Variants in CDKN2AIPNL observed in about 807,000 individuals in gnomAD.
CDKN2AIPNL encodes the protein XRN2 binding domain containing 1.
In CDKN2AIPNL, 9 loss-of-function variants were observed where a neutral mutation model predicts 12.9. The observed-to-expected ratio is 0.70, with a 90% CI of 0.42 to 1.22. The LOEUF (loss-of-function observed/expected upper bound fraction) is 1.22. Among genes scored for constraint, CDKN2AIPNL ranks in the 50% most tolerant of loss-of-function variants. The probability of loss-of-function intolerance (pLI) is 0.00; values close to 1 mark genes in which losing one functional copy is unlikely to be tolerated. For missense variants in CDKN2AIPNL, 143 were observed against 153.6 expected (o/e 0.93, Z 0.37); for synonymous variants, 53 against 61.7 (o/e 0.86, Z 0.66).
chr5:134,402,800 C>CT lies in CDKN2AIPNL; in HGVS notation c.*114dup. On this transcript the variant is annotated 3_prime_UTR_variant, in exon 3 of 3. Transcript: ENST00000458198. ...AGAGTCCTTCTCATTCCACCTGCCT[C>CT]TTTATGTTGGTAATACCAGGAGTCT... 2.3e-6 allele frequency: 2 copies of CT among 870,198 alleles called. No homozygotes were observed. Among genetic ancestry groups the CT allele is most frequent in the South Asian group, 1.7e-5 (1 of 59,362 alleles). 53.9% of individuals were successfully genotyped at this position (870,198 alleles called of 1,614,324 possible).
chr5:134,402,847 T>C lies in CDKN2AIPNL; in HGVS notation c.*68A>G. On this transcript the variant is annotated 3_prime_UTR_variant, in exon 3 of 3. Transcript: ENST00000458198. ...GTCTTAAGAGAGCTGCTGTGGTCTA[T>C]GTCACATTCATCCCAGCCTCCTTTC... The C allele has an allele frequency of 2.1e-6, 3 of 1,425,936 alleles. No homozygotes were observed. The highest frequency in any genetic ancestry group is 2.9e-6 in the Non-Finnish European group (3 of 1,018,278). The allele number at this position is 1,425,936 out of a possible 1,614,324, so 88.3% of individuals were successfully genotyped here. A position where few individuals can be genotyped will look rare whatever the true frequency, so the allele number is the denominator to read the frequency against.
intron 2 of CDKN2AIPNL, among the ~76,000 whole-genome samples, chr5:134,404,885 A>C (rs1446628207): frequency 6.6e-6 from 1 of 152,204 alleles, no homozygotes; most frequent in African/African-American, 2.4e-5. Context: ...TTCCAGGCTC[A>C]AGCGATTCTC....
intron 2 of CDKN2AIPNL, 35 bp from the exon 3 acceptor site, chr5:134,402,961 A>G (rs1759050987): frequency 6.3e-7 from 1 of 1,588,840 alleles, no homozygotes; most frequent in African/African-American, 1.3e-5. Context: ...TTACATAACC[A>G]TGTAGTCCAG....
At chr5:134,409,085 G>A (rs1288291915) in intron 2 of CDKN2AIPNL, among the ~76,000 whole-genome samples, 1 of 152,044 alleles carries the variant, frequency 6.6e-6, no homozygotes, top group South Asian at 2.1e-4. Context: ...TGCTTCAGTC[G>A]ATTTTATAAG....
intron 2 of CDKN2AIPNL, among the ~76,000 whole-genome samples, chr5:134,403,148 TG>T (rs1430199895): frequency 6.6e-6 from 1 of 152,242 alleles, no homozygotes; most frequent in Non-Finnish European, 1.5e-5. Context: ...TCTTGTCACT[TG>T]CAATCTATAA....
rs574431859 is a variant in CDKN2AIPNL at position 134,403,781 on chromosome 5, C to T, written c.340-855G>A. ...CTGTGATTACAGGTACCTGCCACTGCGCCCGGCTAATTTTTGTAGTTTTTA... is the reference window on the plus strand; with the variant it reads ...CTGTGATTACAGGTACCTGCCACTGTGCCCGGCTAATTTTTGTAGTTTTTA... On this transcript the variant is annotated intron_variant, in intron 2 of 2. Coordinates refer to ENST00000458198, the MANE Select transcript of CDKN2AIPNL (RefSeq NM_080656.3). Among the ~76,000 whole-genome samples the T allele has an allele frequency of 1.2e-4, 18 of 152,240 alleles. No individual in the cohort carries two copies. In the East Asian group the frequency reaches 3.1e-3, roughly 26 times the overall value.
rs552885363 is a variant in CDKN2AIPNL at position 134,404,274 on chromosome 5, G to A, written c.340-1348C>T. On this transcript the variant is annotated intron_variant, in intron 2 of 2. Transcript: ENST00000458198. ...TAAAAGACAAGTAGCTCCAATGAGC[G>A]TTTATCTTGAGGTACAACTTAGACC... Among the ~76,000 whole-genome samples, 10 of 152,264 alleles carry A rather than the reference G, an allele frequency of 6.6e-5. No individual in the cohort carries two copies. In the South Asian group the frequency reaches 8.3e-4, roughly 13 times the overall value.
chr5:134,406,906 G>C (rs560571099), intron 2 of CDKN2AIPNL, among the ~76,000 whole-genome samples: 1 of 152,278 alleles, frequency 6.6e-6, no homozygotes, highest in East Asian at 1.9e-4. Flanking sequence ...CACCCTCTAA[G>C]TATCTCACTT....
chr5:134,409,361 A>G (rs1759156753), intron 2 of CDKN2AIPNL, among the ~76,000 whole-genome samples: 1 of 152,186 alleles, frequency 6.6e-6, no homozygotes. Context: ...TTTCTGCCAC[A>G]TTCTGTAGCC....
At chr5:134,410,718 C>G in intron 1 of CDKN2AIPNL, 1 of 379,804 alleles carries the variant, frequency 2.6e-6, no homozygotes, top group Admixed American at 3.7e-5. Flanking sequence ...TGCTTCCCTA[C>G]GTACTGTTCT....
At chr5:134,409,067 T>C (rs1321334902) in intron 2 of CDKN2AIPNL, among the ~76,000 whole-genome samples, 1 of 152,228 alleles carries the variant, frequency 6.6e-6, no homozygotes, top group African/African-American at 2.4e-5. Flanking sequence ...AGCAGCTTTT[T>C]ACTCTACTGC....
At chr5:134,404,579 C>T (rs10071888) in intron 2 of CDKN2AIPNL, among the ~76,000 whole-genome samples, 17,584 of 151,582 alleles carry the variant, frequency 0.12, 1,170 homozygotes, top group Admixed American at 0.17. Flanking sequence ...TCTCCCACCT[C>T]GGCTTCCCAA....
intron 2 of CDKN2AIPNL, among the ~76,000 whole-genome samples, chr5:134,405,931 G>A (rs1334129607): frequency 3.3e-5 from 5 of 152,134 alleles, no homozygotes; most frequent in African/African-American, 9.7e-5. Flanking sequence ...GCTGCTCTTT[G>A]TTAATTATCG....
At chr5:134,407,861 T>C (rs1275571099) in intron 2 of CDKN2AIPNL, among the ~76,000 whole-genome samples, 1 of 151,320 alleles carries the variant, frequency 6.6e-6, no homozygotes, top group African/African-American at 2.4e-5. Context: ...CTCGGCCAGG[T>C]GCAGTGGCTC....
intron 2 of CDKN2AIPNL, among the ~76,000 whole-genome samples, chr5:134,405,129 G>A (rs1348529849): frequency 1.4e-5 from 2 of 146,876 alleles, no homozygotes; most frequent in African/African-American, 2.6e-5. Flanking sequence ...TTTTTGAGAC[G>A]GAGTCCCGCT....
At chr5:134,409,658 T>G (rs1759161493) in intron 2 of CDKN2AIPNL, among the ~76,000 whole-genome samples, 1 of 152,086 alleles carries the variant, frequency 6.6e-6, no homozygotes, top group African/African-American at 2.4e-5. Flanking sequence ...AAAACAATGT[T>G]CCTAAACAAC....
intron 1 of CDKN2AIPNL, 125 bp downstream of exon 1, chr5:134,411,491 A>G (rs1417325516): frequency 1.2e-5 from 9 of 773,752 alleles, no homozygotes; most frequent in Non-Finnish European, 1.9e-5. Context: ...GGGCCGACCA[A>G]TGCGGATGGA....
Position 134,411,809 on chromosome 5 carries a change from C to G in CDKN2AIPNL, c.46G>C (p.Gly16Arg), listed in dbSNP as rs775658374. 3.9e-5 allele frequency: 63 copies of G among 1,601,204 alleles called. 1 individual carries two copies. In the South Asian group the frequency reaches 6.2e-4, roughly 16 times the overall value. The change falls in exon 1 of 3, where the codon GGG becomes CGG. Residue 16 changes from glycine to arginine, a missense_variant. Transcript: ENST00000458198. ...AAAAVEELVSGVRQAADFAEQ... is the reference protein window; with the variant it reads ...AAAAVEELVSRVRQAADFAEQ... ...GCGAAGTCGGCCGCCTGCCGCACCC[C>G]CGAAACCAGCTCCTCCACTGCGGCA...
At chr5:134,409,037 G>A (rs935071434) in intron 2 of CDKN2AIPNL, among the ~76,000 whole-genome samples, 21 of 152,006 alleles carry the variant, frequency 1.4e-4, no homozygotes, top group Admixed American at 1.2e-3. Flanking sequence ...TGTTTCTAAG[G>A]GCAGACCTAA....
Sources: allele counts gnomAD v4.1 joint callset (sites outside exome capture counted in the v4.1 genomes callset), GRCh38; gene constraint gnomAD v4.1.1; transcripts MANE v1.5; gene names NCBI Gene and HGNC (gene_info 2026-07-23, HGNC 2026-07-21).